CRADD: variants seen among roughly 807,000 people sequenced by gnomAD.
CRADD encodes death domain-containing protein CRADD.
A neutral mutation model predicts 15.5 loss-of-function variants in CRADD; 9 were observed. The ratio of observed to expected loss-of-function variants is 0.58; its 90% CI spans 0.35 to 1.01. The LOEUF (loss-of-function observed/expected upper bound fraction) is 1.01. Among genes scored for constraint, CRADD ranks in the 50% least tolerant of loss-of-function variants. The pLI, the probability that CRADD is intolerant of heterozygous loss-of-function variation, is 0.02. For missense variants in CRADD, 227 were observed against 250.3 expected, an observed-to-expected ratio of 0.91 and a Z score of 0.63; for synonymous variants, 118 against 107.6, an observed-to-expected ratio of 1.10 and a Z score of -0.60.
intron 2 of CRADD, among the ~76,000 whole-genome samples, chr12:93,835,674 G>A (rs1207802205): frequency 6.6e-6 from 1 of 151,996 alleles, no homozygotes; most frequent in Non-Finnish European, 1.5e-5. Context: ...AAATAATTTT[G>A]AGCCATGTTA....
intron 2 of CRADD, among the ~76,000 whole-genome samples, chr12:93,825,959 C>A (rs923773958): frequency 9.2e-5 from 14 of 152,194 alleles, no homozygotes; most frequent in East Asian, 3.8e-4. Flanking sequence ...TAGAATCTGA[C>A]AAGTATTTTT....
chr12:93,878,156 A>ATC (rs1192965171), intron 2 of CRADD, among the ~76,000 whole-genome samples: 1 of 152,186 alleles, frequency 6.6e-6, no homozygotes, highest in Non-Finnish European at 1.5e-5. Context: ...CTGCCTGGTA[A>ATC]TCCAGATAAT....
At position 93,748,319 on chromosome 12, in the gene CRADD, A is replaced by G. The variant is rs1411519051; in HGVS notation, c.298+69247A>G. On this transcript the variant is annotated intron_variant, in intron 2 of 2. Coordinates refer to ENST00000332896, the MANE Select transcript of CRADD (RefSeq NM_003805.5). ...TCTTTTTTTGGTTTTGTTTTATTTT[A>G]TTTGAGATGGAGTTTCACTCTTGTT... Among the ~76,000 whole-genome samples the G allele has an allele frequency of 2.6e-5, 4 of 152,034 alleles. No individual in the cohort carries two copies. In the East Asian group the frequency reaches 7.7e-4, roughly 29 times the overall value.
At chr12:93,865,416 A>G (rs1241101647) in intron 2 of CRADD, among the ~76,000 whole-genome samples, 1 of 151,960 alleles carries the variant, frequency 6.6e-6, no homozygotes, top group Non-Finnish European at 1.5e-5. Context: ...ATCCTCTTGT[A>G]TACTTTATTT....
At chr12:93,805,671 A>G (rs1957529066) in intron 2 of CRADD, among the ~76,000 whole-genome samples, 1 of 152,142 alleles carries the variant, frequency 6.6e-6, no homozygotes, top group Admixed American at 6.6e-5. Flanking sequence ...CTGAAGAAAT[A>G]TGTATTAGCA....
intron 2 of CRADD, among the ~76,000 whole-genome samples, chr12:93,862,322 C>T (rs898263088): frequency 3.3e-5 from 5 of 152,134 alleles, no homozygotes; most frequent in African/African-American, 4.8e-5. Flanking sequence ...TCATACACCC[C>T]GAGGATAATT....
intron 2 of CRADD, among the ~76,000 whole-genome samples, chr12:93,818,429 T>C (rs1278929931): frequency 1.3e-5 from 2 of 152,220 alleles, no homozygotes; most frequent in Non-Finnish European, 2.9e-5. Flanking sequence ...GTAAGTTCAG[T>C]TGCCTGAGGC....
At chr12:93,832,811 G>A (rs753118453) in intron 2 of CRADD, among the ~76,000 whole-genome samples, 6 of 152,132 alleles carry the variant, frequency 3.9e-5, no homozygotes, top group African/African-American at 1.2e-4. Context: ...TCACATATAC[G>A]ACTTCTATAT....
chr12:93,818,924 T>C (rs1957739308), intron 2 of CRADD, among the ~76,000 whole-genome samples: 1 of 152,254 alleles, frequency 6.6e-6, no homozygotes, highest in Non-Finnish European at 1.5e-5. Flanking sequence ...GTAAGGTGCC[T>C]TCCAGCTTCA....
intron 2 of CRADD, among the ~76,000 whole-genome samples, chr12:93,883,570 C>T (rs566081101): frequency 3.3e-5 from 5 of 152,112 alleles, no homozygotes; most frequent in African/African-American, 1.2e-4. Flanking sequence ...GTAATCCCAG[C>T]ACTTTAGAAG....
intron 2 of CRADD, among the ~76,000 whole-genome samples, chr12:93,779,123 C>T (rs985454458): frequency 6.6e-6 from 1 of 152,122 alleles, no homozygotes; most frequent in Non-Finnish European, 1.5e-5. Flanking sequence ...TCGCCACAGC[C>T]AAGATGTAGT....
At chr12:93,774,349 G>A (rs1372602995) in intron 2 of CRADD, among the ~76,000 whole-genome samples, 2 of 152,166 alleles carry the variant, frequency 1.3e-5, no homozygotes, top group East Asian at 1.9e-4. Flanking sequence ...AAGTGATAGA[G>A]ATTTTACCCC....
At chr12:93,762,199 G>A (rs760674006) in intron 2 of CRADD, among the ~76,000 whole-genome samples, 16 of 152,086 alleles carry the variant, frequency 1.1e-4, no homozygotes, top group Non-Finnish European at 2.1e-4. Context: ...TAAAGAAAAC[G>A]GGCCGATGTT....
intron 2 of CRADD, among the ~76,000 whole-genome samples, chr12:93,709,599 T>A (rs1438100153): frequency 6.6e-6 from 1 of 152,244 alleles, no homozygotes; most frequent in African/African-American, 2.4e-5. Flanking sequence ...GATCTTATTC[T>A]TTTTTATGGC....
chr12:93,718,481 G>A (rs765786284), intron 2 of CRADD, among the ~76,000 whole-genome samples: 10 of 152,096 alleles, frequency 6.6e-5, no homozygotes, highest in African/African-American at 2.4e-4. Flanking sequence ...ATATGGGGAG[G>A]TAATTGACTT....
At chr12:93,888,949 G>C (rs1486654253) in intron 2 of CRADD, among the ~76,000 whole-genome samples, 1 of 152,152 alleles carries the variant, frequency 6.6e-6, no homozygotes, top group Non-Finnish European at 1.5e-5. Context: ...AGGTGGTGAG[G>C]AGCTCCATTT....
intron 2 of CRADD, among the ~76,000 whole-genome samples, chr12:93,881,447 G>A (rs937708761): frequency 1.5e-5 from 2 of 136,724 alleles, no homozygotes; most frequent in African/African-American, 2.5e-5. Context: ...TGTGGGGGGG[G>A]GGTGGGGATC....
chr12:93,734,999 C>T (rs1408915918), intron 2 of CRADD, among the ~76,000 whole-genome samples: 3 of 152,152 alleles, frequency 2.0e-5, no homozygotes, highest in South Asian at 2.1e-4. Flanking sequence ...CTATCACAAT[C>T]CAGGATTTTG....
intron 2 of CRADD, among the ~76,000 whole-genome samples, chr12:93,856,293 T>C (rs149998851): frequency 1.3e-5 from 2 of 152,388 alleles, no homozygotes; most frequent in African/African-American, 4.8e-5. Flanking sequence ...GGGTGGATTC[T>C]GATCTAACAG....
Sources: gnomAD v4.1 joint callset for allele counts (sites outside exome capture counted in the v4.1 genomes callset) on GRCh38, gnomAD v4.1.1 for gene constraint, MANE v1.5 for transcripts, NCBI Gene and HGNC (gene_info 2026-07-23, HGNC 2026-07-21) for gene names.